RSU1: variants seen among roughly 807,000 people sequenced by gnomAD.
RSU1 encodes Ras suppressor protein 1.
RSU1 carries 26 observed loss-of-function variants against 31.1 expected under a neutral mutation model. The ratio of observed to expected loss-of-function variants is 0.84; its 90% confidence interval spans 0.61 to 1.16. The LOEUF is 1.16. Ranked by LOEUF, RSU1 falls within the 50% of genes most tolerant of loss-of-function variation. The pLI, the probability that RSU1 is intolerant of heterozygous loss-of-function variation, is 0.00. For missense variants in RSU1, 320 were observed against 339.1 expected (o/e 0.94, Z 0.44); for synonymous variants, 164 against 136.3 (o/e 1.20, Z -1.41).
At chr10:16,666,657 G>C (rs1834994509) in intron 8 of RSU1, among the ~76,000 whole-genome samples, 1 of 152,072 alleles carries the variant, frequency 6.6e-6, no homozygotes, top group Non-Finnish European at 1.5e-5. Flanking sequence ...GAAATCTCTA[G>C]GTGGGCTCAC....
chr10:16,634,343 C>T (rs934428047), intron 8 of RSU1, among the ~76,000 whole-genome samples: 4 of 152,174 alleles, frequency 2.6e-5, no homozygotes, highest in Non-Finnish European at 4.4e-5. Flanking sequence ...GTTACGCTGG[C>T]TTCAAAACAA....
intron 8 of RSU1, among the ~76,000 whole-genome samples, chr10:16,644,069 T>C (rs1834492557): frequency 6.6e-6 from 1 of 151,454 alleles, no homozygotes; most frequent in Admixed American, 6.6e-5. Flanking sequence ...CTTAAGCATC[T>C]GCAGATTTTG....
chr10:16,627,793 A>C (rs1834184357), intron 8 of RSU1, among the ~76,000 whole-genome samples: 1 of 151,504 alleles, frequency 6.6e-6, no homozygotes, highest in African/African-American at 2.4e-5. Flanking sequence ...GAAGTAACCG[A>C]ATTATGGTAC....
At chr10:16,729,933 C>G (rs1489419995) in intron 7 of RSU1, among the ~76,000 whole-genome samples, 5 of 152,122 alleles carry the variant, frequency 3.3e-5, no homozygotes, top group Non-Finnish European at 7.4e-5. Context: ...TTTTGTGTTG[C>G]TATAATGGAA....
intron 8 of RSU1, among the ~76,000 whole-genome samples, chr10:16,687,111 C>G (rs1306331451): frequency 6.6e-6 from 1 of 152,106 alleles, no homozygotes; most frequent in African/African-American, 2.4e-5. Context: ...GGTACATTTT[C>G]CAAGTCTTTA....
chr10:16,715,135 G>A lies in RSU1; in HGVS notation c.599-19980C>T, dbSNP rs540183690. On this transcript the variant is annotated intron_variant, in intron 7 of 8. Coordinates refer to ENST00000345264, the MANE Select transcript of RSU1 (RefSeq NM_012425.4). ...AGGAAGTTTGCTGCTCCCCTAGTGC[G>A]GTCCAGCATACTTCCTCGTCACTCT... Among the ~76,000 whole-genome samples, 15 of 152,258 alleles carry A rather than the reference G, an allele frequency of 9.9e-5. 1 individual carries two copies. The highest frequency in any genetic ancestry group is 2.9e-4 in the African/African-American group (12 of 41,556).
At chr10:16,620,838 C>G (rs1834056999) in intron 8 of RSU1, among the ~76,000 whole-genome samples, 1 of 127,484 alleles carries the variant, frequency 7.8e-6, no homozygotes, top group African/African-American at 4.6e-5. Flanking sequence ...GAGCGAGACT[C>G]CATCTCAAAA....
intron 8 of RSU1, among the ~76,000 whole-genome samples, chr10:16,661,072 G>A (rs1361562069): frequency 1.3e-5 from 2 of 151,976 alleles, no homozygotes; most frequent in African/African-American, 2.4e-5. Flanking sequence ...GGTTGTTTTT[G>A]ATGGTTGCTG....
intron 4 of RSU1, among the ~76,000 whole-genome samples, chr10:16,763,991 C>G (rs2131630904): frequency 6.6e-6 from 1 of 152,254 alleles, no homozygotes; most frequent in Admixed American, 6.5e-5. Context: ...ATTCTTCCCT[C>G]CACGGCACGA....
At chr10:16,704,580 C>A (rs1407794702) in intron 7 of RSU1, among the ~76,000 whole-genome samples, 1 of 152,204 alleles carries the variant, frequency 6.6e-6, no homozygotes, top group Non-Finnish European at 1.5e-5. Context: ...GATTTAGGAG[C>A]ACTGGGGAGT....
At chr10:16,621,152 T>C (rs1834062058) in intron 8 of RSU1, among the ~76,000 whole-genome samples, 1 of 152,170 alleles carries the variant, frequency 6.6e-6, no homozygotes, top group Non-Finnish European at 1.5e-5. Flanking sequence ...TGGCAATGTC[T>C]AGGGATATTT....
chr10:16,657,911 A>C lies in RSU1; in HGVS notation c.731+37112T>G, dbSNP rs564650499. On this transcript the variant is annotated intron_variant, in intron 8 of 8. Transcript: ENST00000345264. ...AGGCTGAGGCACAAGAATTGCTTGA[A>C]ACTGGGAGGCGGAGGTTGCAGTGAG... 2.0e-5 allele frequency among the ~76,000 whole-genome samples: 3 copies of C among 152,244 alleles called. No individual in the cohort carries two copies. In the East Asian group the frequency reaches 5.8e-4, roughly 29 times the overall value.
chr10:16,658,077 A>T (rs1209285349), intron 8 of RSU1, among the ~76,000 whole-genome samples: 2 of 152,210 alleles, frequency 1.3e-5, no homozygotes, highest in African/African-American at 2.4e-5. Flanking sequence ...CTTCTAGGGG[A>T]TAACAGGGCT....
At chr10:16,759,913 T>C (rs189254070) in intron 4 of RSU1, among the ~76,000 whole-genome samples, 111 of 152,288 alleles carry the variant, frequency 7.3e-4, no homozygotes, top group African/African-American at 2.6e-3. Context: ...CATCTCCACT[T>C]TGTGATCTCC....
At chr10:16,684,503 T>C (rs1835401914) in intron 8 of RSU1, among the ~76,000 whole-genome samples, 1 of 152,146 alleles carries the variant, frequency 6.6e-6, no homozygotes, top group Non-Finnish European at 1.5e-5. Context: ...GGATAACTGA[T>C]ATCCTTGTGA....
intron 7 of RSU1, among the ~76,000 whole-genome samples, chr10:16,743,158 A>G (rs1244985881): frequency 1.3e-5 from 2 of 152,216 alleles, no homozygotes; most frequent in Non-Finnish European, 2.9e-5. Flanking sequence ...TATTCCCAAC[A>G]TTTTCTTTTT....
At chr10:16,786,133 A>G (rs1837787385) in intron 2 of RSU1, among the ~76,000 whole-genome samples, 1 of 152,198 alleles carries the variant, frequency 6.6e-6, no homozygotes, top group African/African-American at 2.4e-5. Context: ...GGATGCTGAC[A>G]CACATCCTAC....
At chr10:16,632,577 A>G (rs1195001131) in intron 8 of RSU1, among the ~76,000 whole-genome samples, 1 of 152,226 alleles carries the variant, frequency 6.6e-6, no homozygotes, top group Non-Finnish European at 1.5e-5. Context: ...CATGCCCCAC[A>G]ACACCTGATT....
chr10:16,741,664 T>C (rs1836755089), intron 7 of RSU1, among the ~76,000 whole-genome samples: 1 of 152,262 alleles, frequency 6.6e-6, no homozygotes, highest in Non-Finnish European at 1.5e-5. Flanking sequence ...GCCTTAAATA[T>C]TCCTAGGGAA....
Sources: allele counts gnomAD v4.1 joint callset (sites outside exome capture counted in the v4.1 genomes callset), GRCh38; gene constraint gnomAD v4.1.1; transcripts MANE v1.5; gene names NCBI Gene and HGNC (gene_info 2026-07-23, HGNC 2026-07-21).